Variants in NUMB observed in about 807,000 individuals in gnomAD.
NUMB encodes NUMB endocytic adaptor protein, also known as protein numb homolog.
Under a neutral mutation model 59.7 loss-of-function variants are expected in NUMB, and 29 were observed. The observed-to-expected ratio is 0.49, with a 90% CI of 0.36 to 0.66. The LOEUF is 0.66. NUMB is among the 30% of genes least tolerant of loss of function. The probability of loss-of-function intolerance (pLI) is 0.00; values close to 1 mark genes in which losing one functional copy is unlikely to be tolerated. For synonymous variants in NUMB, 288 were observed against 288.2 expected (o/e 1.00, Z 0.01); for missense variants, 723 against 822.0 (o/e 0.88, Z 1.47).
At chr14:73,390,811 G>C (rs1009927079) in intron 2 of NUMB, among the ~76,000 whole-genome samples, 1 of 151,278 alleles carries the variant, frequency 6.6e-6, no homozygotes, top group African/African-American at 2.4e-5. Flanking sequence ...CACCACGCCC[G>C]GCTAATTTTG....
chr14:73,401,007 A>G (rs1199826692), intron 2 of NUMB, among the ~76,000 whole-genome samples: 2 of 152,202 alleles, frequency 1.3e-5, no homozygotes, highest in African/African-American at 4.8e-5. Flanking sequence ...ATTTATGGCT[A>G]ATCAGCCAGA....
intron 4 of NUMB, among the ~76,000 whole-genome samples, chr14:73,352,570 T>C (rs1261286697): frequency 7.7e-6 from 1 of 129,034 alleles, no homozygotes; most frequent in Non-Finnish European, 1.6e-5. Flanking sequence ...AGTCTCTCTC[T>C]GTCGCCCAGG....
intron 1 of NUMB, among the ~76,000 whole-genome samples, chr14:73,444,110 A>G (rs1230909508): frequency 6.6e-6 from 1 of 152,152 alleles, no homozygotes; most frequent in Admixed American, 6.6e-5. Flanking sequence ...TTTAAAGGTC[A>G]AAATATTGGC....
chr14:73,419,440 C>T (rs1450829808), intron 1 of NUMB, among the ~76,000 whole-genome samples: 2 of 152,050 alleles, frequency 1.3e-5, no homozygotes, highest in African/African-American at 2.4e-5. Context: ...ACCCGGGAGG[C>T]GGAGCTTGCA....
intron 3 of NUMB, among the ~76,000 whole-genome samples, chr14:73,363,910 T>C (rs550540214): frequency 2.6e-5 from 4 of 152,220 alleles, no homozygotes; most frequent in South Asian, 4.1e-4. Context: ...GATCATACCA[T>C]TGCACCGGAC....
chr14:73,335,681 A>C (rs986931654), intron 4 of NUMB, among the ~76,000 whole-genome samples: 1 of 152,206 alleles, frequency 6.6e-6, no homozygotes, highest in Admixed American at 6.6e-5. Flanking sequence ...AAAATTATTT[A>C]AAAAATAGAT....
chr14:73,390,638 C>CTTTTTTTTTTTTTTTT lies in NUMB; in HGVS notation c.-101+19283_-101+19298dup, dbSNP rs55831976. ...ATTTCCTTGAGGACAAAAACAAAGT[C>CTTTTTTTTTTTTTTTT]TTTTTTTTTTTTTTTTTTTTTTTTT... On this transcript the variant is annotated intron_variant, in intron 2 of 12. Coordinates refer to ENST00000555238, the MANE Select transcript of NUMB (RefSeq NM_001005743.2). 2.3e-4 allele frequency among the ~76,000 whole-genome samples: 9 copies of CTTTTTTTTTTTTTTTT among 39,410 alleles called. 1 individual carries two copies. Among genetic ancestry groups the CTTTTTTTTTTTTTTTT allele is most frequent in the Non-Finnish European group, 3.8e-4 (8 of 21,178 alleles). 25.9% of individuals were successfully genotyped at this position (39,410 alleles called of 152,430 possible).
At chr14:73,378,651 G>A (rs1228676399) in intron 2 of NUMB, among the ~76,000 whole-genome samples, 2 of 152,180 alleles carry the variant, frequency 1.3e-5, no homozygotes, top group East Asian at 3.8e-4. Flanking sequence ...AAGCCAATCT[G>A]AAAAGGCTAC....
At chr14:73,416,468 C>A (rs536129687) in intron 1 of NUMB, among the ~76,000 whole-genome samples, 1 of 152,036 alleles carries the variant, frequency 6.6e-6, no homozygotes, top group South Asian at 2.1e-4. Context: ...AGAAAATAAT[C>A]ACATTTCAAA....
chr14:73,404,069 T>C (rs1223808758), intron 2 of NUMB, among the ~76,000 whole-genome samples: 1 of 131,290 alleles, frequency 7.6e-6, no homozygotes. Flanking sequence ...AGAGCAAGAC[T>C]CCGTCTGAAA....
Position 73,395,030 on chromosome 14 carries a change from CGTGTGTTTGTGTGTGTGTGTGTGTGT to C in NUMB, c.-101+14881_-101+14906del, listed in dbSNP as rs1470284023. 3.9e-3 allele frequency among the ~76,000 whole-genome samples: 227 copies of C among 58,344 alleles called. 4 individuals carry two copies. Among genetic ancestry groups the C allele is most frequent in the African/African-American group, 9.0e-3 (217 of 24,012 alleles). 38.3% of individuals were successfully genotyped at this position (58,344 alleles called of 152,430 possible). ...ATCTCCTTTAAGGTTGAATAGTATTCGTGTGTTTGTGTGTGTGTGTGTGTGTGTGTGTGTGTGTGTGTGTGTGTGTG... is the reference window on the plus strand; with the variant it reads ...ATCTCCTTTAAGGTTGAATAGTATTCGTGTGTGTGTGTGTGTGTGTGTGTG... On this transcript the variant is annotated intron_variant, in intron 2 of 12. Transcript: ENST00000555238.
chr14:73,319,919 C>G (rs1891307907), intron 5 of NUMB, among the ~76,000 whole-genome samples: 1 of 152,064 alleles, frequency 6.6e-6, no homozygotes, highest in Non-Finnish European at 1.5e-5. Context: ...ATCACGAGGT[C>G]ATGAATTCAA....
At chr14:73,400,807 G>T (rs1896373773) in intron 2 of NUMB, among the ~76,000 whole-genome samples, 1 of 152,230 alleles carries the variant, frequency 6.6e-6, no homozygotes, top group Non-Finnish European at 1.5e-5. Flanking sequence ...GAGGTTCCAG[G>T]AGGGTGGCAC....
intron 1 of NUMB, among the ~76,000 whole-genome samples, chr14:73,421,138 G>A (rs1488723717): frequency 2.0e-5 from 3 of 152,022 alleles, no homozygotes; most frequent in Non-Finnish European, 4.4e-5. Flanking sequence ...GCTGCCTAAA[G>A]TAATACAAGA....
At chr14:73,406,093 T>TG (rs1555379353) in intron 2 of NUMB, among the ~76,000 whole-genome samples, 53 of 44,094 alleles carry the variant, frequency 1.2e-3, no homozygotes, top group Admixed American at 7.0e-4. Context: ...CATATTTTTG[T>TG]TTTTTTTTTT....
In NUMB at chr14:73,278,721, C is replaced by CTTTT. The variant is rs35813203; in HGVS notation, c.1240+556_1240+559dup. ...ATTCTCTGAGGTGGGGCCCTGGAAT[C>CTTTT]TTTTTTTTTTTTTTTTTTTTTTTTG... On this transcript the variant is annotated intron_variant, in intron 12 of 12. Transcript: ENST00000555238. 5.8e-3 allele frequency among the ~76,000 whole-genome samples: 339 copies of CTTTT among 58,060 alleles called. 6 individuals carry two copies. Among genetic ancestry groups the CTTTT allele is most frequent in the Non-Finnish European group, 8.1e-3 (283 of 35,068 alleles). The allele number at this position is 58,060 out of a possible 152,430, so 38.1% of individuals were successfully genotyped here.
rs745873728 is a variant in NUMB, at chr14:73,276,433, G to T, written c.*145C>A. ...ATGTCTTTCAAAATCACCCCTCACA[G>T]TACTCTGGGCCTGGACTTGTTCCTT... On this transcript the variant is annotated 3_prime_UTR_variant, in exon 13 of 13. Transcript: ENST00000555238. 1.6e-6 allele frequency: 1 copy of T among 636,140 alleles called. No homozygotes were observed. The highest frequency in any genetic ancestry group is 1.8e-5 in the African/African-American group (1 of 54,652). The allele number at this position is 636,140 out of a possible 1,614,324, so 39.4% of individuals were successfully genotyped here.
intron 2 of NUMB, among the ~76,000 whole-genome samples, chr14:73,392,569 A>T (rs755587666): frequency 6.6e-6 from 1 of 152,216 alleles, no homozygotes; most frequent in Non-Finnish European, 1.5e-5. Context: ...GAAATTAGAC[A>T]GTTGTGCCTT....
rs1054751299 is a variant in NUMB, at chr14:73,436,795, A to G, written c.-233+21698T>C. 7.3e-5 allele frequency among the ~76,000 whole-genome samples: 11 copies of G among 150,846 alleles called. 1 individual carries two copies. Among genetic ancestry groups the G allele is most frequent in the African/African-American group, 2.7e-4 (11 of 41,192 alleles). On this transcript the variant is annotated intron_variant, in intron 1 of 12. Transcript: ENST00000555238. ...AGAGATCAAGACCATCCTGGCTAAC[A>G]TGGTGAAACCCTGTCTCTACTAAAA...
Sources: allele counts gnomAD v4.1 joint callset (sites outside exome capture counted in the v4.1 genomes callset), GRCh38; gene constraint gnomAD v4.1.1; transcripts MANE v1.5; gene names NCBI Gene and HGNC (gene_info 2026-07-23, HGNC 2026-07-21).